The following FAM151A variants were observed in gnomAD, a reference collection of about 807,000 sequenced individuals.
FAM151A encodes protein FAM151A.
In FAM151A, 41 loss-of-function variants were observed where a neutral mutation model predicts 40.4. The observed-to-expected ratio is 1.01, with a 90% CI of 0.79 to 1.32. The LOEUF (loss-of-function observed/expected upper bound fraction) is 1.32. Ranked by LOEUF, FAM151A falls within the 40% of genes most tolerant of loss-of-function variation. The pLI is 0.00. For synonymous variants in FAM151A, 337 were observed against 312.5 expected, an observed-to-expected ratio of 1.08 and a Z score of -0.83; for missense variants, 740 against 740.4, an observed-to-expected ratio of 1.00 and a Z score of 0.01.
chr1:54,616,529 A>G (rs1284648218), intron 2 of FAM151A, among the ~76,000 whole-genome samples: 1 of 151,916 alleles, frequency 6.6e-6, no homozygotes, highest in African/African-American at 2.4e-5. Context: ...GTGTGCCACC[A>G]TGCCTAGCTA....
At chr1:54,620,503 C>T (rs960131412) in intron 1 of FAM151A, among the ~76,000 whole-genome samples, 5 of 151,754 alleles carry the variant, frequency 3.3e-5, no homozygotes, top group East Asian at 1.9e-4. Flanking sequence ...ATTAGGAGTT[C>T]GAGACCAGCC....
At chr1:54,613,178 G>C (rs1644136846) in intron 4 of FAM151A, among the ~76,000 whole-genome samples, 3 of 152,044 alleles carry the variant, frequency 2.0e-5, no homozygotes, top group Admixed American at 2.0e-4. Flanking sequence ...TTGGGAGTTC[G>C]AGACCAGCCT....
At position 54,613,974 on chromosome 1, in the gene FAM151A, T is replaced by G. The variant is rs115248367; in HGVS notation, c.575+726A>C. ...TAATATAGTTCCTGCATTAATAAAA[T>G]AAAAGTAATACTACCTACCTCATTC... is the stretch of plus-strand genomic sequence containing the variant. On this transcript the variant is annotated intron_variant, in intron 4 of 7. Coordinates refer to ENST00000302250, the MANE Select transcript of FAM151A (RefSeq NM_176782.3). 2.7e-3 allele frequency among the ~76,000 whole-genome samples: 410 copies of G among 152,314 alleles called. 1 individual carries two copies. The highest frequency in any genetic ancestry group is 9.5e-3 in the African/African-American group (395 of 41,576).
chr1:54,611,799 C>T (rs1569781954), intron 5 of FAM151A, 54 bp from the exon 6 acceptor site: 3 of 1,606,154 alleles, frequency 1.9e-6, no homozygotes, highest in African/African-American at 1.3e-5. Flanking sequence ...AGACCCTCAG[C>T]CCCACTCCTG....
At chr1:54,619,048 C>CT (rs1248001448) in intron 2 of FAM151A, among the ~76,000 whole-genome samples, 4 of 152,140 alleles carry the variant, frequency 2.6e-5, no homozygotes, top group Non-Finnish European at 4.4e-5. Flanking sequence ...TCTACCAGCC[C>CT]TCAGACCCCA....
chr1:54,609,923 A>G lies in FAM151A; in HGVS notation c.1103T>C (p.Leu368Pro), dbSNP rs777810291. ...MTLPDTEGMILLNTGLEGTVA... is the reference protein window; with the variant it reads ...MTLPDTEGMIPLNTGLEGTVA... ...AGTTCCCTCGAGGCCAGTGTTCAGC[A>G]GGATCATGCCTTCTGTGTCTGGAAG... is the stretch of plus-strand genomic sequence containing the variant. The change falls in exon 8 of 8, where the codon CTG becomes CCG. Residue 368 changes from leucine to proline, a missense_variant. Physicochemically the swap from Leu to Pro is moderately conservative, Grantham distance 98 (BLOSUM62 -3). Coordinates refer to ENST00000302250, the MANE Select transcript of FAM151A (RefSeq NM_176782.3). 9 of 1,606,724 alleles carry G rather than the reference A, an allele frequency of 5.6e-6. No homozygotes were observed. In the East Asian group the frequency reaches 2.0e-4, roughly 36 times the overall value.
chr1:54,616,518 C>A (rs1238268628), intron 2 of FAM151A, among the ~76,000 whole-genome samples: 1 of 151,992 alleles, frequency 6.6e-6, no homozygotes, highest in Non-Finnish European at 1.5e-5. Flanking sequence ...AATTTACAGG[C>A]GTGTGCCACC....
At chr1:54,612,776 T>G (rs529826390) in intron 4 of FAM151A, 66 bp from the exon 5 acceptor site, 1 of 1,224,514 alleles carries the variant, frequency 8.2e-7, no homozygotes, top group Non-Finnish European at 1.2e-6. Context: ...CTCTGGGGTC[T>G]CATCACAGTG....
At chr1:54,618,090 G>C (rs1301679873) in intron 2 of FAM151A, among the ~76,000 whole-genome samples, 2 of 151,914 alleles carry the variant, frequency 1.3e-5, no homozygotes, top group Middle Eastern at 3.2e-3. Flanking sequence ...TGGGCCACAC[G>C]TTGGGTAGCA....
chr1:54,622,579 A>C (rs543326817), intron 1 of FAM151A, among the ~76,000 whole-genome samples: 11 of 151,840 alleles, frequency 7.2e-5, no homozygotes, highest in South Asian at 4.2e-4. Context: ...AAAAAAAAAA[A>C]CCACAAAAAA....
chr1:54,620,554 A>T (rs1184421614), intron 1 of FAM151A, among the ~76,000 whole-genome samples: 3 of 147,002 alleles, frequency 2.0e-5, no homozygotes, highest in Non-Finnish European at 3.0e-5. Context: ...ACACATACAA[A>T]AATTAGCTGG....
At position 54,609,448 on chromosome 1, in the gene FAM151A, G is replaced by T; in HGVS notation, c.1578C>A (p.Gly526=). The T allele has an allele frequency of 6.2e-7, 1 of 1,613,744 alleles. No individual in the cohort carries two copies. The highest frequency in any genetic ancestry group is 1.1e-5 in the South Asian group (1 of 91,084). ...CCCGGGGGGAGGATGCCAGCAGCCT[G>T]CCTATGGCTCCAGCTGTGCTGTGGC... ...LLGHSTAGAI[G]RLLASSPRAT... The change falls in exon 8 of 8, where the codon GGC becomes GGA. Residue 526 remains glycine, a synonymous_variant. Coordinates refer to ENST00000302250, the MANE Select transcript of FAM151A (RefSeq NM_176782.3).
At chr1:54,621,099 G>T (rs1001551040) in intron 1 of FAM151A, among the ~76,000 whole-genome samples, 2 of 151,472 alleles carry the variant, frequency 1.3e-5, no homozygotes, top group Non-Finnish European at 2.9e-5. Flanking sequence ...GACAGAGGTT[G>T]CAGTGAGCCG....
In FAM151A at chr1:54,610,482, G is replaced by A. The variant is rs17110827; in HGVS notation, c.1014C>T (p.Asp338=). Residue 338 remains aspartate (D), a synonymous_variant, in exon 7 of 8, where the codon GAC becomes GAT. Coordinates refer to ENST00000302250, the MANE Select transcript of FAM151A (RefSeq NM_176782.3). ...LIPLLQLPGD[D]GLNVEWLVPD... ...GAACCAGCCACTCCACATTCAGACC[G>A]TCATCCCCAGGCAGCTGGAGAAGAG... 8,782 of 1,501,182 alleles carry A rather than the reference G, an allele frequency of 5.9e-3. 402 individuals carry two copies. In the African/African-American group the frequency reaches 0.1, roughly 17 times the overall value. 93.0% of individuals were successfully genotyped at this position (1,501,182 alleles called of 1,614,324 possible).
rs1644096439 is a variant in FAM151A, at chr1:54,609,934, T to C, written c.1092A>G (p.Glu364=). The part of the protein sequence containing the change: ...KTATMTLPDT[E]GMILLNTGLE... ...GGCCAGTGTTCAGCAGGATCATGCC[T>C]TCTGTGTCTGGAAGAGGCGGCAGAG... Residue 364 remains glutamate (E), a synonymous_variant, in exon 8 of 8, where the codon GAA becomes GAG. Transcript: ENST00000302250. The C allele has an allele frequency of 6.2e-7, 1 of 1,604,014 alleles. No homozygotes were observed. Among genetic ancestry groups the C allele is most frequent in the Non-Finnish European group, 8.5e-7 (1 of 1,178,212 alleles).
chr1:54,619,631 G>C (rs1644209232), intron 2 of FAM151A, among the ~76,000 whole-genome samples: 1 of 152,178 alleles, frequency 6.6e-6, no homozygotes, highest in African/African-American at 2.4e-5. Context: ...AGGGAGGACA[G>C]TATAGTCATT....
chr1:54,618,278 C>T (rs963845393), intron 2 of FAM151A, among the ~76,000 whole-genome samples: 5 of 152,210 alleles, frequency 3.3e-5, no homozygotes, highest in South Asian at 2.1e-4. Context: ...CCGAGAAGGG[C>T]GGATCACTTG....
chr1:54,622,892 T>A (rs1327137935), intron 1 of FAM151A, among the ~76,000 whole-genome samples: 1 of 151,554 alleles, frequency 6.6e-6, no homozygotes, highest in African/African-American at 2.4e-5. Flanking sequence ...AAGAGCTGGT[T>A]GGCCAGGCAT....
chr1:54,610,504 A>G lies in FAM151A; in HGVS notation c.992T>C (p.Leu331Pro). 1.2e-6 allele frequency: 2 copies of G among 1,613,482 alleles called. No homozygotes were observed. Among genetic ancestry groups the G allele is most frequent in the South Asian group, 1.1e-5 (1 of 91,036 alleles). ...ACCGTCATCCCCAGGCAGCTGGAGAAGAGGGATCAGGCTGCCTCCCGTGTA... is the reference window on the plus strand; with the variant it reads ...ACCGTCATCCCCAGGCAGCTGGAGAGGAGGGATCAGGCTGCCTCCCGTGTA... ...MYYTGGSLIP[L>P]LQLPGDDGLN... Residue 331 changes from leucine (L) to proline (P), a missense_variant, in exon 7 of 8, where the codon CTT becomes CCT. Transcript: ENST00000302250.
Sources: allele counts gnomAD v4.1 joint callset (sites outside exome capture counted in the v4.1 genomes callset), GRCh38; gene constraint gnomAD v4.1.1; transcripts MANE v1.5; gene names NCBI Gene and HGNC (gene_info 2026-07-23, HGNC 2026-07-21).